PLXDC2: variants seen among roughly 807,000 people sequenced by gnomAD.
PLXDC2 encodes the protein plexin domain-containing protein 2.
Under a neutral mutation model 68.9 loss-of-function variants are expected in PLXDC2, and 40 were observed. The observed-to-expected ratio is 0.58, with a 90% CI of 0.45 to 0.76. The LOEUF (loss-of-function observed/expected upper bound fraction) is 0.76, where lower values mean the gene tolerates loss of function less well. PLXDC2 is among the 30% of genes least tolerant of loss of function. The probability of loss-of-function intolerance (pLI) is 0.00; values close to 1 mark genes in which losing one functional copy is unlikely to be tolerated. For missense variants in PLXDC2, 644 were observed against 661.9 expected, an observed-to-expected ratio of 0.97 and a Z score of 0.30; for synonymous variants, 243 against 234.2, an observed-to-expected ratio of 1.04 and a Z score of -0.34.
intron 4 of PLXDC2, among the ~76,000 whole-genome samples, chr10:20,119,229 A>C (rs1037954098): frequency 3.3e-5 from 5 of 152,158 alleles, no homozygotes; most frequent in Non-Finnish European, 7.3e-5. Flanking sequence ...TGAAGAGACC[A>C]CCAAACAGGC....
At chr10:19,951,505 G>T (rs1005159958) in intron 1 of PLXDC2, among the ~76,000 whole-genome samples, 1 of 152,140 alleles carries the variant, frequency 6.6e-6, no homozygotes, top group Non-Finnish European at 1.5e-5. Context: ...AAAACAACAG[G>T]TCGTGGCAAG....
At chr10:19,944,241 T>C (rs1487204017) in intron 1 of PLXDC2, among the ~76,000 whole-genome samples, 1 of 152,178 alleles carries the variant, frequency 6.6e-6, no homozygotes, top group Non-Finnish European at 1.5e-5. Flanking sequence ...CATCGGCTTC[T>C]GTATTTAAAA....
chr10:20,259,979 C>T (rs1835789196), intron 13 of PLXDC2, among the ~76,000 whole-genome samples: 1 of 151,980 alleles, frequency 6.6e-6, no homozygotes, highest in Non-Finnish European at 1.5e-5. Flanking sequence ...GGAAGGGAGT[C>T]GAGAAATACT....
intron 4 of PLXDC2, among the ~76,000 whole-genome samples, chr10:20,070,191 A>C (rs967143508): frequency 2.0e-5 from 3 of 152,224 alleles, no homozygotes; most frequent in Admixed American, 6.5e-5. Flanking sequence ...CATAAGGGAT[A>C]GTTCGAGTCA....
chr10:20,144,058 G>A (rs1834041730), intron 5 of PLXDC2, among the ~76,000 whole-genome samples: 1 of 151,990 alleles, frequency 6.6e-6, no homozygotes, highest in Admixed American at 6.6e-5. Flanking sequence ...AGAAATTCAA[G>A]GTCTTGGAGA....
chr10:20,147,569 G>A (rs1444819067), intron 5 of PLXDC2, among the ~76,000 whole-genome samples: 2 of 151,900 alleles, frequency 1.3e-5, no homozygotes, highest in African/African-American at 4.8e-5. Context: ...TTAGTATGAG[G>A]TTCTATTTTA....
chr10:19,968,287 A>G (rs553199600), intron 1 of PLXDC2, among the ~76,000 whole-genome samples: 3 of 152,298 alleles, frequency 2.0e-5, no homozygotes, highest in African/African-American at 7.2e-5. Flanking sequence ...GTGATTAAAT[A>G]CGATGACCTC....
At chr10:20,250,568 G>C in intron 13 of PLXDC2, among the ~76,000 whole-genome samples, 1 of 152,132 alleles carries the variant, frequency 6.6e-6, no homozygotes, top group East Asian at 1.9e-4. Context: ...TCAACATCAC[G>C]CATTTGGTCA....
intron 1 of PLXDC2, among the ~76,000 whole-genome samples, chr10:19,977,601 A>G (rs1466395420): frequency 6.6e-6 from 1 of 152,210 alleles, no homozygotes; most frequent in Non-Finnish European, 1.5e-5. Flanking sequence ...TTGGTGGCTT[A>G]AACAATATAC....
intron 1 of PLXDC2, among the ~76,000 whole-genome samples, chr10:19,971,480 G>A (rs919537196): frequency 2.6e-5 from 4 of 152,150 alleles, no homozygotes; most frequent in African/African-American, 4.8e-5. Context: ...AATTCAATAA[G>A]AGTGCTGAAA....
chr10:19,985,174 G>A (rs963716623), intron 1 of PLXDC2, among the ~76,000 whole-genome samples: 4 of 152,178 alleles, frequency 2.6e-5, no homozygotes, highest in African/African-American at 9.7e-5. Flanking sequence ...CAGATTTCTG[G>A]TAAGATATGG....
intron 1 of PLXDC2, among the ~76,000 whole-genome samples, chr10:19,831,553 A>G (rs1044602282): frequency 3.9e-5 from 6 of 152,004 alleles, no homozygotes; most frequent in African/African-American, 1.2e-4. Context: ...CTTAGTACCC[A>G]ATAGTTATTT....
At chr10:20,249,668 C>A (rs750025533) in intron 13 of PLXDC2, among the ~76,000 whole-genome samples, 1 of 152,166 alleles carries the variant, frequency 6.6e-6, no homozygotes, top group Non-Finnish European at 1.5e-5. Flanking sequence ...AGGTCCTTAA[C>A]TGAACCACAT....
chr10:20,007,886 G>A (rs756417833), intron 2 of PLXDC2, among the ~76,000 whole-genome samples: 2 of 152,120 alleles, frequency 1.3e-5, no homozygotes, highest in Non-Finnish European at 2.9e-5. Flanking sequence ...TCTCATTCTG[G>A]TACCTAATTA....
At chr10:19,977,762 T>C (rs895293482) in intron 1 of PLXDC2, among the ~76,000 whole-genome samples, 25 of 152,202 alleles carry the variant, frequency 1.6e-4, no homozygotes, top group African/African-American at 5.8e-4. Flanking sequence ...GGAAATCTCA[T>C]GTGTCTTTCT....
At chr10:19,852,526 G>C (rs561167916) in intron 1 of PLXDC2, among the ~76,000 whole-genome samples, 2 of 139,750 alleles carry the variant, frequency 1.4e-5, no homozygotes, top group African/African-American at 5.2e-5. Flanking sequence ...CAGTGGAAAA[G>C]ATTTCAAATC....
chr10:20,052,151 T>G (rs2131689068), intron 3 of PLXDC2, among the ~76,000 whole-genome samples: 1 of 152,218 alleles, frequency 6.6e-6, no homozygotes, highest in African/African-American at 2.4e-5. Flanking sequence ...CTATGTGAAC[T>G]CCTTCATTTA....
At chr10:20,109,818 C>T (rs1314497768) in intron 4 of PLXDC2, among the ~76,000 whole-genome samples, 1 of 152,174 alleles carries the variant, frequency 6.6e-6, no homozygotes, top group Non-Finnish European at 1.5e-5. Flanking sequence ...GCAAGATCCT[C>T]CCTATCATTT....
chr10:20,154,083 T>C (rs1483397588), intron 6 of PLXDC2, among the ~76,000 whole-genome samples: 2 of 152,134 alleles, frequency 1.3e-5, no homozygotes, highest in African/African-American at 2.4e-5. Context: ...CTTAAATACA[T>C]GGAGTTTGGA....
Sources: gnomAD v4.1 joint callset for allele counts (sites outside exome capture counted in the v4.1 genomes callset) on GRCh38, gnomAD v4.1.1 for gene constraint, MANE v1.5 for transcripts, NCBI Gene and HGNC (gene_info 2026-07-23, HGNC 2026-07-21) for gene names.